DNAJC3: variants seen among roughly 807,000 people sequenced by gnomAD.
The protein encoded by DNAJC3 is dnaJ homolog subfamily C member 3.
In DNAJC3, 38 loss-of-function variants were observed where a neutral mutation model predicts 68.6. The observed-to-expected ratio is 0.55, with a 90% CI of 0.43 to 0.73. The LOEUF is 0.73. Ranked by LOEUF, DNAJC3 falls within the 30% of genes least tolerant of loss-of-function variation. The probability of loss-of-function intolerance (pLI) is 0.00; values close to 1 mark genes in which losing one functional copy is unlikely to be tolerated. For missense variants in DNAJC3, 526 were observed against 591.9 expected (o/e 0.89, Z 1.16); for synonymous variants, 203 against 204.0 (o/e 1.00, Z 0.04).
At chr13:95,743,560 T>TATTG (rs1234456938) in intron 4 of DNAJC3, among the ~76,000 whole-genome samples, 10 of 152,150 alleles carry the variant, frequency 6.6e-5, no homozygotes, top group Non-Finnish European at 1.0e-4. Flanking sequence ...GCCTCCTGCT[T>TATTG]ATTGATTGAT....
chr13:95,737,296 T>G (rs1881958486), intron 4 of DNAJC3, among the ~76,000 whole-genome samples: 1 of 152,220 alleles, frequency 6.6e-6, no homozygotes, highest in Admixed American at 6.5e-5. Context: ...TTTTGTTGTG[T>G]CCCTGCCTGG....
At chr13:95,785,720 T>C (rs139786864) in intron 9 of DNAJC3, among the ~76,000 whole-genome samples, 171 of 151,836 alleles carry the variant, frequency 1.1e-3, no homozygotes, top group African/African-American at 4.0e-3. Flanking sequence ...CACCTCGACC[T>C]CCCAAAGTGA....
At chr13:95,688,713 C>T (rs1009266657) in intron 1 of DNAJC3, among the ~76,000 whole-genome samples, 8 of 151,916 alleles carry the variant, frequency 5.3e-5, no homozygotes, top group South Asian at 2.1e-4. Flanking sequence ...CCATGTTGGC[C>T]GGGCTGGTCT....
intron 9 of DNAJC3, among the ~76,000 whole-genome samples, chr13:95,779,217 C>T (rs761583907): frequency 6.8e-6 from 1 of 147,834 alleles, no homozygotes; most frequent in African/African-American, 2.5e-5. Flanking sequence ...CTCCGCCTCC[C>T]GGGTTCACCC....
Position 95,791,063 on chromosome 13 carries a change from T to TAA in DNAJC3, c.*35_*36dup. 6.3e-7 allele frequency: 1 copy of TAA among 1,598,844 alleles called. No individual in the cohort carries two copies. Among genetic ancestry groups the TAA allele is most frequent in the Non-Finnish European group, 8.5e-7 (1 of 1,175,288 alleles). On this transcript the variant is annotated 3_prime_UTR_variant, in exon 12 of 12. Coordinates refer to ENST00000602402, the MANE Select transcript of DNAJC3 (RefSeq NM_006260.5). ...GTTTTTCTGCTCTTCTTAATTTTTT[T>TAA]AAAGATTAAAAACAAAGAAATCTTG...
At chr13:95,724,241 G>C (rs2139642394) in intron 3 of DNAJC3, among the ~76,000 whole-genome samples, 1 of 152,070 alleles carries the variant, frequency 6.6e-6, no homozygotes. Context: ...TTTTATGATA[G>C]TTTAATCTTG....
At chr13:95,691,756 C>T (rs113839545) in intron 1 of DNAJC3, among the ~76,000 whole-genome samples, 2 of 152,226 alleles carry the variant, frequency 1.3e-5, no homozygotes, top group Non-Finnish European at 2.9e-5. Flanking sequence ...GCACTCCAGC[C>T]TGGGCACCAT....
At position 95,709,154 on chromosome 13, in the gene DNAJC3, T is replaced by C. The variant is rs113681377; in HGVS notation, c.83-73T>C. The C allele has an allele frequency of 2.2e-5, 24 of 1,103,078 alleles. 1 individual carries two copies. The highest frequency in any genetic ancestry group is 2.5e-5 in the Non-Finnish European group (20 of 807,992). The allele number at this position is 1,103,078 out of a possible 1,614,324, so 68.3% of individuals were successfully genotyped here. ...AGATGACTGAGACAGATAACTATTT[T>C]TAATATTATATTTTTTAGAATTAAA... On this transcript the variant is annotated intron_variant, in intron 1 of 11. Transcript: ENST00000602402.
intron 2 of DNAJC3, among the ~76,000 whole-genome samples, chr13:95,721,535 A>G (rs1218435822): frequency 6.6e-6 from 1 of 152,106 alleles, no homozygotes; most frequent in Admixed American, 6.5e-5. Flanking sequence ...CCAACAGCGC[A>G]CAGGTGTTCC....
chr13:95,740,516 C>G (rs1364276489), intron 4 of DNAJC3, among the ~76,000 whole-genome samples: 1 of 151,678 alleles, frequency 6.6e-6, no homozygotes, highest in Admixed American at 6.6e-5. Context: ...TCTCGTGGTG[C>G]GCCGTTTTTT....
intron 9 of DNAJC3, among the ~76,000 whole-genome samples, chr13:95,778,349 C>T (rs531109279): frequency 6.6e-6 from 1 of 152,272 alleles, no homozygotes; most frequent in East Asian, 1.9e-4. Flanking sequence ...GCAGCACAGA[C>T]AGCAACTCTG....
At chr13:95,733,158 AAAGTT>A (rs1326440017) in intron 4 of DNAJC3, among the ~76,000 whole-genome samples, 16 of 152,140 alleles carry the variant, frequency 1.1e-4, no homozygotes, top group African/African-American at 3.6e-4. Context: ...TGTTTGGTCT[AAAGTT>A]CAGTTATAGC....
intron 9 of DNAJC3, among the ~76,000 whole-genome samples, chr13:95,770,408 T>C (rs1014692006): frequency 1.3e-5 from 2 of 152,202 alleles, no homozygotes; most frequent in African/African-American, 2.4e-5. Context: ...CAGCACAATA[T>C]TTAAAATCTC....
At chr13:95,713,917 A>G (rs113685413) in intron 2 of DNAJC3, among the ~76,000 whole-genome samples, 5 of 152,326 alleles carry the variant, frequency 3.3e-5, no homozygotes, top group African/African-American at 1.2e-4. Context: ...AACTTTTCCA[A>G]GTGGCCCTAG....
At chr13:95,695,576 A>G (rs1880415467) in intron 1 of DNAJC3, 1 of 152,290 alleles carries the variant, frequency 6.6e-6, no homozygotes, top group African/African-American at 2.4e-5. Context: ...TTACAGTCAC[A>G]TGAATCAGAT....
intron 4 of DNAJC3, among the ~76,000 whole-genome samples, chr13:95,728,286 C>G (rs4491364): frequency 0.048 from 7,302 of 152,288 alleles, 286 homozygotes; most frequent in Admixed American, 0.13. Context: ...CACCAAATTG[C>G]TTTCCAGAGT....
chr13:95,704,851 G>GTTTTTTTGTTTTTTTTTTT (rs1437981663), intron 1 of DNAJC3, among the ~76,000 whole-genome samples: 1 of 97,848 alleles, frequency 1.0e-5, no homozygotes, highest in African/African-American at 6.0e-5. Context: ...GTGTGTGTGT[G>GTTTTTTTGTTTTTTTTTTT]TTTTTTTTTT....
intron 4 of DNAJC3, among the ~76,000 whole-genome samples, chr13:95,731,030 A>G: frequency 6.6e-6 from 1 of 152,088 alleles, no homozygotes; most frequent in East Asian, 1.9e-4. Context: ...TTCCTTGGTT[A>G]AATTTTTTCC....
chr13:95,764,695 C>CAT (rs1318299201), intron 9 of DNAJC3, among the ~76,000 whole-genome samples: 18 of 114,790 alleles, frequency 1.6e-4, no homozygotes, highest in African/African-American at 2.8e-4. Context: ...CACACACACA[C>CAT]ATATATATAT....
Sources: gnomAD v4.1 joint callset for allele counts (sites outside exome capture counted in the v4.1 genomes callset) on GRCh38, gnomAD v4.1.1 for gene constraint, MANE v1.5 for transcripts, NCBI Gene and HGNC (gene_info 2026-07-23, HGNC 2026-07-21) for gene names.